Variants in PDE4D observed in about 807,000 individuals in gnomAD.
PDE4D encodes the protein phosphodiesterase 4D.
PDE4D carries 24 observed loss-of-function variants against 87.4 expected under a neutral mutation model. That is an observed-to-expected ratio of 0.27 (90% CI 0.20 to 0.39). The LOEUF (loss-of-function observed/expected upper bound fraction) is 0.39. Ranked by LOEUF, PDE4D falls within the 10% of genes least tolerant of loss-of-function variation. The pLI is 1.00. For synonymous variants in PDE4D, 384 were observed against 383.2 expected (o/e 1.00, Z -0.02); for missense variants, 714 against 1,041.0 (o/e 0.69, Z 4.32).
At chr5:59,002,583 T>A (rs1478795202) in intron 6 of PDE4D, among the ~76,000 whole-genome samples, 4 of 152,056 alleles carry the variant, frequency 2.6e-5, no homozygotes, top group Non-Finnish European at 1.5e-5. Context: ...AGAGAGCACT[T>A]GCACAAGAAA....
chr5:59,838,122 T>A lies in PDE4D; in HGVS notation c.455+55046A>T, dbSNP rs749164855. Among the ~76,000 whole-genome samples the A allele has an allele frequency of 8.6e-5, 13 of 152,042 alleles. No individual in the cohort carries two copies. The East Asian group carries it at 9.7e-4, about 11-fold the overall frequency. On this transcript the variant is annotated intron_variant, in intron 1 of 14. Transcript: ENST00000340635. ...CTAGGATTTTATAAATAACTCAGTG[T>A]ATAAAGACAAAAAAGTGGAGTTGTT...
chr5:60,090,496 T>A (rs1307170916), intron 2 of PDE4D, among the ~76,000 whole-genome samples: 2 of 152,102 alleles, frequency 1.3e-5, no homozygotes, highest in African/African-American at 2.4e-5. Flanking sequence ...TGATAATAAC[T>A]GTCAACAAAC....
intron 1 of PDE4D, among the ~76,000 whole-genome samples, chr5:60,411,469 T>TA (rs151269043): frequency 0.023 from 3,468 of 152,256 alleles, 122 homozygotes; most frequent in African/African-American, 0.08. Context: ...ACATAAGTGT[T>TA]AGCTAATCTC....
chr5:60,078,404 CT>C (rs979111966), intron 2 of PDE4D, among the ~76,000 whole-genome samples: 1 of 151,834 alleles, frequency 6.6e-6, no homozygotes, highest in East Asian at 1.9e-4. Context: ...AAGAGATTTT[CT>C]TTTTTTTCTT....
At chr5:59,123,906 C>T (rs1289171619) in intron 5 of PDE4D, among the ~76,000 whole-genome samples, 1 of 152,144 alleles carries the variant, frequency 6.6e-6, no homozygotes, top group East Asian at 1.9e-4. Flanking sequence ...CTTAAATTCC[C>T]TGAGCACCAG....
At chr5:59,876,189 G>C (rs907257011) in intron 1 of PDE4D, among the ~76,000 whole-genome samples, 4 of 152,258 alleles carry the variant, frequency 2.6e-5, no homozygotes, top group Admixed American at 2.0e-4. Context: ...CTAGAGAAAA[G>C]GGTATATTTT....
intron 3 of PDE4D, among the ~76,000 whole-genome samples, chr5:59,941,894 G>C (rs1757223070): frequency 6.6e-6 from 1 of 152,204 alleles, no homozygotes. Context: ...TGGCAGGGGA[G>C]GAAGCCCCTA....
chr5:59,100,226 A>T (rs188741416), intron 5 of PDE4D, among the ~76,000 whole-genome samples: 1 of 152,358 alleles, frequency 6.6e-6, no homozygotes, highest in East Asian at 1.9e-4. Context: ...GCCACTGTCT[A>T]TAAACTTTTT....
intron 1 of PDE4D, among the ~76,000 whole-genome samples, chr5:59,765,854 C>G (rs1306647602): frequency 3.9e-5 from 6 of 152,210 alleles, no homozygotes; most frequent in Non-Finnish European, 5.9e-5. Flanking sequence ...AAACAGATGT[C>G]TTCCAATATT....
intron 1 of PDE4D, among the ~76,000 whole-genome samples, chr5:60,364,987 T>C (rs554356479): frequency 6.6e-6 from 1 of 152,300 alleles, no homozygotes; most frequent in Non-Finnish European, 1.5e-5. Context: ...TTTTTTTAAA[T>C]AACCCACAAC....
chr5:60,223,590 T>A (rs567176693), intron 1 of PDE4D, among the ~76,000 whole-genome samples: 1 of 152,084 alleles, frequency 6.6e-6, no homozygotes, highest in African/African-American at 2.4e-5. Flanking sequence ...CCTCCTAGCA[T>A]GAGTACATAC....
At chr5:59,742,500 GATT>G (rs1561575792) in intron 1 of PDE4D, among the ~76,000 whole-genome samples, 1 of 152,112 alleles carries the variant, frequency 6.6e-6, no homozygotes, top group Non-Finnish European at 1.5e-5. Flanking sequence ...TGTTCAGAAG[GATT>G]ATGAGATTTA....
chr5:59,181,882 T>A (rs2153478836), intron 4 of PDE4D, among the ~76,000 whole-genome samples: 1 of 152,248 alleles, frequency 6.6e-6, no homozygotes, highest in South Asian at 2.1e-4. Flanking sequence ...ATGCACAGCC[T>A]CACATATGTG....
At chr5:60,506,796 A>T (rs1750344402) in intron 1 of PDE4D, among the ~76,000 whole-genome samples, 1 of 152,194 alleles carries the variant, frequency 6.6e-6, no homozygotes, top group Non-Finnish European at 1.5e-5. Flanking sequence ...AAATGTAGAA[A>T]CTAAGAAACA....
chr5:60,206,801 C>G (rs1051726262), intron 1 of PDE4D, among the ~76,000 whole-genome samples: 3 of 152,206 alleles, frequency 2.0e-5, no homozygotes, highest in African/African-American at 7.2e-5. Context: ...AATAAAACAA[C>G]CTCTACTCTA....
At chr5:59,205,653 A>AACACAC (rs35509503) in intron 2 of PDE4D, among the ~76,000 whole-genome samples, 21,903 of 136,180 alleles carry the variant, frequency 0.16, 1,931 homozygotes, top group Admixed American at 0.21. Context: ...CCACTAGCTA[A>AACACAC]ACACACACAC....
At chr5:59,594,955 T>TG (rs963340662) in intron 1 of PDE4D, among the ~76,000 whole-genome samples, 2 of 152,020 alleles carry the variant, frequency 1.3e-5, no homozygotes, top group African/African-American at 4.8e-5. Context: ...ATATTGATAA[T>TG]GGGGTGGCTA....
chr5:59,364,173 T>A (rs534453564), intron 1 of PDE4D, among the ~76,000 whole-genome samples: 257 of 152,204 alleles, frequency 1.7e-3, no homozygotes, highest in Non-Finnish European at 3.1e-3. Context: ...GCTAAGAAAT[T>A]TATAACAGAC....
At position 58,974,612 on chromosome 5, in the gene PDE4D, G is replaced by A; in HGVS notation, c.*52C>T. 1 of 1,489,730 alleles carries A rather than the reference G, an allele frequency of 6.7e-7. No individual in the cohort carries two copies. The highest frequency in any genetic ancestry group is 9.0e-7 in the Non-Finnish European group (1 of 1,112,206). The allele number at this position is 1,489,730 out of a possible 1,614,324, so 92.3% of individuals were successfully genotyped here. A position where few individuals can be genotyped will look rare whatever the true frequency, so the allele number is the denominator to read the frequency against. ...GGTTGTGGCATGTGACATGCACTTT[G>A]GAAACAATTTTTCTACTTAAAAAAA... is the stretch of plus-strand genomic sequence containing the variant. On this transcript the variant is annotated 3_prime_UTR_variant, in exon 15 of 15. Transcript: ENST00000340635.
Sources: gnomAD v4.1 joint callset for allele counts (sites outside exome capture counted in the v4.1 genomes callset) on GRCh38, gnomAD v4.1.1 for gene constraint, MANE v1.5 for transcripts, NCBI Gene and HGNC (gene_info 2026-07-23, HGNC 2026-07-21) for gene names.